The following PCSK5 variants were observed in gnomAD, a reference collection of about 807,000 sequenced individuals.
PCSK5 encodes the protein proprotein convertase subtilisin/kexin type 5.
Under a neutral mutation model 233.2 loss-of-function variants are expected in PCSK5, and 129 were observed. That is an observed-to-expected ratio of 0.55 (90% CI 0.48 to 0.64). The LOEUF is 0.64. Among genes scored for constraint, PCSK5 ranks in the 30% least tolerant of loss-of-function variants. The pLI, the probability that PCSK5 is intolerant of heterozygous loss-of-function variation, is 0.00. For synonymous variants in PCSK5, 825 were observed against 879.2 expected (o/e 0.94, Z 1.09); for missense variants, 2,076 against 2,430.1 (o/e 0.85, Z 3.06).
At chr9:76,251,643 A>G (rs1206513310) in intron 24 of PCSK5, among the ~76,000 whole-genome samples, 5 of 151,836 alleles carry the variant, frequency 3.3e-5, no homozygotes, top group African/African-American at 1.2e-4. Flanking sequence ...CTCTTTGCTG[A>G]TTCTGTATAA....
chr9:76,190,982 A>C (rs1587738490), intron 20 of PCSK5, among the ~76,000 whole-genome samples: 1 of 152,074 alleles, frequency 6.6e-6, no homozygotes, highest in Admixed American at 6.5e-5. Flanking sequence ...AAGTTTCCTC[A>C]CCTCTCTAGC....
At chr9:76,069,153 A>G (rs2131597971) in intron 6 of PCSK5, among the ~76,000 whole-genome samples, 1 of 152,264 alleles carries the variant, frequency 6.6e-6, no homozygotes, top group East Asian at 1.9e-4. Context: ...AGCATCTGCT[A>G]TTTATTAAGC....
intron 9 of PCSK5, among the ~76,000 whole-genome samples, chr9:76,107,730 G>A (rs1832037451): frequency 6.6e-6 from 1 of 152,174 alleles, no homozygotes; most frequent in African/African-American, 2.4e-5. Context: ...TGACTAGGCA[G>A]CTCCGATTCC....
chr9:76,211,392 A>G (rs552100956), intron 20 of PCSK5, among the ~76,000 whole-genome samples: 1 of 152,350 alleles, frequency 6.6e-6, no homozygotes, highest in East Asian at 1.9e-4. Flanking sequence ...TGGAGAGGGA[A>G]CAAGACAAAT....
chr9:76,252,020 C>T (rs890329946), intron 24 of PCSK5, among the ~76,000 whole-genome samples: 1 of 152,086 alleles, frequency 6.6e-6, no homozygotes, highest in African/African-American at 2.4e-5. Context: ...GTAATCCCAG[C>T]ACTTTGGGAG....
chr9:76,328,975 A>ATTTTTT lies in PCSK5; in HGVS notation c.4570+746_4570+751dup, dbSNP rs59466685. 1.6e-3 allele frequency among the ~76,000 whole-genome samples: 199 copies of ATTTTTT among 123,684 alleles called. 7 individuals are homozygous for ATTTTTT. Among genetic ancestry groups the ATTTTTT allele is most frequent in the Middle Eastern group, 9.3e-3 (2 of 214 alleles). 81.1% of individuals were successfully genotyped at this position (123,684 alleles called of 152,430 possible). A position where few individuals can be genotyped will look rare whatever the true frequency, so the allele number is the denominator to read the frequency against. ...AGGTGGGCACCATCGCTCCCGGCTAATTTTTTTTTTTTTTTGTATTTTTGG... is the reference window on the plus strand; with the variant it reads ...AGGTGGGCACCATCGCTCCCGGCTAATTTTTTTTTTTTTTTTTTTTTGTATTTTTGG... On this transcript the variant is annotated intron_variant, in intron 33 of 37. Transcript: ENST00000674117.
chr9:76,196,483 C>T (rs140357900), intron 20 of PCSK5, among the ~76,000 whole-genome samples: 194 of 152,276 alleles, frequency 1.3e-3, no homozygotes, highest in Middle Eastern at 0.01. Flanking sequence ...CTTTCTGAAC[C>T]GTGCCTGAGA....
chr9:76,193,432 A>C, intron 20 of PCSK5: 1 of 1,130,670 alleles, frequency 8.8e-7, no homozygotes, highest in East Asian at 2.8e-5. Flanking sequence ...CAAAAAGAAA[A>C]AAAAAAAAAG....
intron 34 of PCSK5, among the ~76,000 whole-genome samples, chr9:76,332,993 C>T (rs1829578732): frequency 6.6e-6 from 1 of 152,160 alleles, no homozygotes; most frequent in Non-Finnish European, 1.5e-5. Flanking sequence ...TGGGCAACAT[C>T]TTGAGACCCC....
intron 24 of PCSK5, among the ~76,000 whole-genome samples, chr9:76,268,250 A>C (rs1471011053): frequency 6.6e-6 from 1 of 152,200 alleles, no homozygotes; most frequent in African/African-American, 2.4e-5. Context: ...ATGATCTGAG[A>C]GGGTGTTTTC....
intron 35 of PCSK5, among the ~76,000 whole-genome samples, chr9:76,350,590 G>A (rs895176555): frequency 2.0e-5 from 3 of 152,154 alleles, no homozygotes; most frequent in East Asian, 3.8e-4. Context: ...TCCTCTTGCT[G>A]TAATAAAAGA....
At chr9:76,070,201 C>T (rs372163361) in intron 6 of PCSK5, among the ~76,000 whole-genome samples, 2 of 152,038 alleles carry the variant, frequency 1.3e-5, no homozygotes, top group African/African-American at 4.8e-5. Context: ...GGGGTTTCAC[C>T]ATGTTAGCCA....
chr9:76,211,218 T>C (rs529845140), intron 20 of PCSK5, among the ~76,000 whole-genome samples: 6 of 152,342 alleles, frequency 3.9e-5, no homozygotes, highest in Non-Finnish European at 7.4e-5. Flanking sequence ...AAGTTTGCCA[T>C]GTGGGATGAG....
At chr9:76,103,883 A>G (rs967225861) in intron 8 of PCSK5, among the ~76,000 whole-genome samples, 1 of 152,204 alleles carries the variant, frequency 6.6e-6, no homozygotes, top group Admixed American at 6.5e-5. Context: ...GGAGCATGCA[A>G]GATGTGCCAT....
At chr9:75,936,240 G>A (rs1824050798) in intron 2 of PCSK5, among the ~76,000 whole-genome samples, 1 of 152,200 alleles carries the variant, frequency 6.6e-6, no homozygotes, top group African/African-American at 2.4e-5. Flanking sequence ...CAGGGTGGTG[G>A]TTGCTGAAGG....
intron 10 of PCSK5, among the ~76,000 whole-genome samples, chr9:76,144,756 A>G (rs1243626102): frequency 6.6e-6 from 1 of 152,234 alleles, no homozygotes; most frequent in African/African-American, 2.4e-5. Context: ...ATCTGCAGCC[A>G]TTGCTTCAGT....
upstream of PCSK5, chr9:75,890,546 C>G (rs965006003): frequency 6.6e-6 from 1 of 152,338 alleles, no homozygotes; most frequent in African/African-American, 2.4e-5. Context: ...GCTAGGACCT[C>G]GTCAGCGCCT....
intron 16 of PCSK5, among the ~76,000 whole-genome samples, chr9:76,182,824 G>A (rs62556626): frequency 0.16 from 25,021 of 152,020 alleles, 2,514 homozygotes; most frequent in East Asian, 0.38. Context: ...AACCTAAGGA[G>A]ACAAAGAGAA....
At chr9:75,944,243 A>G (rs1824459027) in intron 2 of PCSK5, among the ~76,000 whole-genome samples, 1 of 151,394 alleles carries the variant, frequency 6.6e-6, no homozygotes, top group African/African-American at 2.4e-5. Flanking sequence ...AAAGCAGTAT[A>G]TGAAGAGAGT....
Sources: allele counts gnomAD v4.1 joint callset (sites outside exome capture counted in the v4.1 genomes callset), GRCh38; gene constraint gnomAD v4.1.1; transcripts MANE v1.5; gene names NCBI Gene and HGNC (gene_info 2026-07-23, HGNC 2026-07-21).